The following STAG1 variants were observed in gnomAD, a reference collection of about 807,000 sequenced individuals.
STAG1 encodes the protein cohesin subunit SA-1.
A neutral mutation model predicts 170.9 loss-of-function variants in STAG1; 26 were observed. The ratio of observed to expected loss-of-function variants is 0.15; its 90% confidence interval spans 0.11 to 0.21. The LOEUF is 0.21. Ranked by LOEUF, STAG1 falls within the 10% of genes least tolerant of loss-of-function variation. The pLI, the probability that STAG1 is intolerant of heterozygous loss-of-function variation, is 1.00. For synonymous variants in STAG1, 514 were observed against 497.7 expected (o/e 1.03, Z -0.44); for missense variants, 964 against 1,509.5 (o/e 0.64, Z 5.99).
At chr3:136,552,384 T>C (rs879695416) in intron 5 of STAG1, among the ~76,000 whole-genome samples, 2 of 152,236 alleles carry the variant, frequency 1.3e-5, no homozygotes, top group Non-Finnish European at 2.9e-5. Context: ...AAGTTCAGTT[T>C]ATAATGATAT....
intron 3 of STAG1, among the ~76,000 whole-genome samples, chr3:136,621,777 T>C (rs1939860425): frequency 6.6e-6 from 1 of 152,090 alleles, no homozygotes; most frequent in African/African-American, 2.4e-5. Flanking sequence ...AAACCAGTCT[T>C]GTTGTGTAAC....
At chr3:136,556,490 T>G (rs1936621253) in intron 5 of STAG1, among the ~76,000 whole-genome samples, 1 of 152,062 alleles carries the variant, frequency 6.6e-6, no homozygotes, top group African/African-American at 2.4e-5. Context: ...GTGTCAAGAT[T>G]GAGAAATGCT....
intron 1 of STAG1, among the ~76,000 whole-genome samples, chr3:136,697,449 C>T (rs1375838780): frequency 1.3e-5 from 2 of 152,192 alleles, no homozygotes; most frequent in Non-Finnish European, 2.9e-5. Flanking sequence ...GAATCACTAT[C>T]TTTACCCTCT....
intron 16 of STAG1, among the ~76,000 whole-genome samples, chr3:136,429,121 C>T (rs764328481): frequency 4.0e-5 from 6 of 149,880 alleles, no homozygotes; most frequent in East Asian, 2.0e-4. Flanking sequence ...TGGAACAGAG[C>T]GCAGGCTGGG....
At chr3:136,751,807 G>T (rs1446635149) in intron 1 of STAG1, among the ~76,000 whole-genome samples, 1 of 121,464 alleles carries the variant, frequency 8.2e-6, no homozygotes, top group Non-Finnish European at 1.7e-5. Flanking sequence ...GAGAGCCCGG[G>T]CGGGGGGGGG....
intron 6 of STAG1, among the ~76,000 whole-genome samples, chr3:136,523,612 G>T (rs947902853): frequency 2.0e-5 from 3 of 152,164 alleles, no homozygotes; most frequent in African/African-American, 4.8e-5. Context: ...GATCCCATTT[G>T]TCAGTTTTGG....
chr3:136,509,233 T>C (rs1478377536), intron 7 of STAG1, among the ~76,000 whole-genome samples: 1 of 152,188 alleles, frequency 6.6e-6, no homozygotes, highest in East Asian at 1.9e-4. Context: ...CTTTCGACTA[T>C]CCCGATTAAA....
chr3:136,525,574 G>T (rs546263080), intron 6 of STAG1, among the ~76,000 whole-genome samples: 10 of 152,042 alleles, frequency 6.6e-5, no homozygotes, highest in African/African-American at 7.2e-5. Flanking sequence ...TTTTTGAAGG[G>T]TTTTTTCTGT....
intron 10 of STAG1, among the ~76,000 whole-genome samples, chr3:136,476,147 C>T (rs879206774): frequency 1.3e-5 from 2 of 152,176 alleles, no homozygotes; most frequent in African/African-American, 4.8e-5. Flanking sequence ...CCTCCTTACT[C>T]CATCCTTTGC....
At chr3:136,552,103 T>C (rs1936431386) in intron 5 of STAG1, among the ~76,000 whole-genome samples, 1 of 152,190 alleles carries the variant, frequency 6.6e-6, no homozygotes, top group South Asian at 2.1e-4. Context: ...TACCTGCACG[T>C]CAGCCTACAT....
intron 23 of STAG1, among the ~76,000 whole-genome samples, chr3:136,372,191 T>A (rs534717345): frequency 6.6e-6 from 1 of 152,342 alleles, no homozygotes; most frequent in Admixed American, 6.5e-5. Flanking sequence ...TGTTTGCACA[T>A]TGATTTTGTA....
At chr3:136,638,490 ATG>A (rs1940668337) in intron 1 of STAG1, among the ~76,000 whole-genome samples, 1 of 152,172 alleles carries the variant, frequency 6.6e-6, no homozygotes, top group African/African-American at 2.4e-5. Flanking sequence ...AATTAAAAAT[ATG>A]TGTGTGTATA....
intron 1 of STAG1, among the ~76,000 whole-genome samples, chr3:136,727,394 A>G (rs1020939799): frequency 6.6e-6 from 1 of 152,192 alleles, no homozygotes; most frequent in Non-Finnish European, 1.5e-5. Flanking sequence ...TCTTTGCCAT[A>G]TTCTCTGAAG....
chr3:136,455,208 G>A (rs1236419784), intron 13 of STAG1, among the ~76,000 whole-genome samples: 2 of 152,186 alleles, frequency 1.3e-5, no homozygotes, highest in South Asian at 2.1e-4. Context: ...GAAGATTGCC[G>A]AGCATCACTC....
At chr3:136,503,016 CCTAA>C (rs778988468) in intron 7 of STAG1, among the ~76,000 whole-genome samples, 15 of 152,278 alleles carry the variant, frequency 9.9e-5, no homozygotes, top group South Asian at 4.1e-4. Flanking sequence ...ACAGCCTCAT[CCTAA>C]CTAACAGAAG....
rs2087547148 is a variant in STAG1 at position 136,408,619 on chromosome 3, A to C, written c.2196+9266T>G. On this transcript the variant is annotated intron_variant, in intron 21 of 33. Transcript: ENST00000383202. ...AAGATATTCAGAAGGTAGAATTTAT[A>C]AAAAACAATCAAGAGTCTCATGAGA... 2.0e-5 allele frequency among the ~76,000 whole-genome samples: 3 copies of C among 152,188 alleles called. No individual in the cohort carries two copies. The South Asian group carries it at 6.2e-4, about 31-fold the overall frequency.
chr3:136,723,818 T>A (rs1218235052), intron 1 of STAG1, among the ~76,000 whole-genome samples: 6 of 123,902 alleles, frequency 4.8e-5, no homozygotes, highest in South Asian at 3.0e-4. Flanking sequence ...AGCCGCCCCG[T>A]CCGGGAGGGA....
intron 13 of STAG1, among the ~76,000 whole-genome samples, chr3:136,460,439 T>C (rs968873797): frequency 7.2e-5 from 11 of 152,022 alleles, no homozygotes; most frequent in South Asian, 2.1e-4. Flanking sequence ...CCATCTCTAC[T>C]AAAAATACAA....
intron 8 of STAG1, among the ~76,000 whole-genome samples, chr3:136,501,924 G>A (rs1315084603): frequency 2.6e-5 from 4 of 152,146 alleles, no homozygotes; most frequent in African/African-American, 7.2e-5. Context: ...GCTCATGCCT[G>A]TAATCTCAGC....
Sources: gnomAD v4.1 joint callset for allele counts (sites outside exome capture counted in the v4.1 genomes callset) on GRCh38, gnomAD v4.1.1 for gene constraint, MANE v1.5 for transcripts, NCBI Gene and HGNC (gene_info 2026-07-23, HGNC 2026-07-21) for gene names.